Variants in GPT2 observed in about 807,000 individuals in gnomAD.
GPT2 encodes the protein alanine aminotransferase 2.
GPT2 carries 30 observed loss-of-function variants against 56.9 expected under a neutral mutation model. That is an observed-to-expected ratio of 0.53 (90% CI 0.39 to 0.72). The LOEUF is 0.72. Ranked by LOEUF, GPT2 falls within the 30% of genes least tolerant of loss-of-function variation. GPT2 has a pLI of 0.00. For missense variants in GPT2, 542 were observed against 703.4 expected (o/e 0.77, Z 2.60); for synonymous variants, 271 against 283.1 (o/e 0.96, Z 0.43).
chr16:46,925,610 C>T (rs1159631461), intron 10 of GPT2, among the ~76,000 whole-genome samples: 1 of 152,062 alleles, frequency 6.6e-6, no homozygotes, highest in African/African-American at 2.4e-5. Context: ...GTGGGAGGAT[C>T]ATTTGAGCCC....
At chr16:46,917,378 G>A (rs967931541) in intron 7 of GPT2, among the ~76,000 whole-genome samples, 12 of 152,056 alleles carry the variant, frequency 7.9e-5, no homozygotes, top group African/African-American at 1.9e-4. Context: ...AATGACTGAC[G>A]CCCACTCCTC....
chr16:46,922,414 C>CGAGT lies in GPT2; in HGVS notation c.1212+3_1212+6dup. On this transcript the variant is annotated frameshift_variant and splice_region_variant, in exon 9 of 12. Transcript: ENST00000340124. LOFTEE classifies it high-confidence loss of function. The stretch of plus-strand genomic sequence containing the variant: ...AGAGGAGTCCTTTGAGCAATTCAGC[C>CGAGT]GAGTGAGTCCACTGTGATGCGTCTG... The CGAGT allele has an allele frequency of 6.2e-7, 1 of 1,607,772 alleles. No individual in the cohort carries two copies. The highest frequency in any genetic ancestry group is 1.1e-5 in the South Asian group (1 of 90,690).
At chr16:46,906,393 A>T (rs1175719041) in intron 4 of GPT2, among the ~76,000 whole-genome samples, 1 of 151,920 alleles carries the variant, frequency 6.6e-6, no homozygotes, top group East Asian at 1.9e-4. Context: ...GTGTTGGCCC[A>T]CTCTCTCAAG....
intron 4 of GPT2, among the ~76,000 whole-genome samples, chr16:46,901,934 C>T (rs1229750414): frequency 1.3e-5 from 2 of 152,230 alleles, no homozygotes; most frequent in Admixed American, 6.5e-5. Flanking sequence ...CCCAGAGGCC[C>T]GGCTTCCGGG....
intron 6 of GPT2, among the ~76,000 whole-genome samples, chr16:46,910,832 T>C (rs1317444645): frequency 6.6e-6 from 1 of 152,136 alleles, no homozygotes; most frequent in Non-Finnish European, 1.5e-5. Context: ...ACTCCTGGCC[T>C]CAAGTGATCC....
chr16:46,899,536 C>T (rs1486321921), intron 3 of GPT2, among the ~76,000 whole-genome samples: 1 of 152,188 alleles, frequency 6.6e-6, no homozygotes, highest in Non-Finnish European at 1.5e-5. Context: ...CTGAGGGGCG[C>T]TCACTGGGCC....
At chr16:46,891,465 G>A (rs924811616) in intron 2 of GPT2, among the ~76,000 whole-genome samples, 2 of 151,810 alleles carry the variant, frequency 1.3e-5, no homozygotes, top group African/African-American at 4.8e-5. Context: ...GTGTAGTGGC[G>A]CAATCTCAGC....
intron 3 of GPT2, among the ~76,000 whole-genome samples, chr16:46,898,975 CATATATATAT>C (rs60743914): frequency 7.6e-6 from 1 of 132,142 alleles, no homozygotes; most frequent in African/African-American, 3.1e-5. Flanking sequence ...TACACACACA[CATATATATAT>C]ATATATAACA....
Position 46,918,763 on chromosome 16 carries a change from TG to T in GPT2, c.1037+9del. 1.2e-6 allele frequency: 2 copies of T among 1,613,540 alleles called. No homozygotes were observed. The highest frequency in any genetic ancestry group is 3.3e-4 in the Middle Eastern group (2 of 6,060). On this transcript the variant is annotated splice_region_variant and intron_variant, in intron 8 of 11. Coordinates refer to ENST00000340124, the MANE Select transcript of GPT2 (RefSeq NM_133443.4). ...TCCAAGGGCTACATGGGCGAGTACG[TG>T]GGCCTCCCTTCCCTCTGCCACTGCT...
intron 2 of GPT2, among the ~76,000 whole-genome samples, chr16:46,895,649 C>T (rs374253495): frequency 6.6e-6 from 1 of 152,164 alleles, no homozygotes; most frequent in East Asian, 1.9e-4. Context: ...TTCAGCCTCC[C>T]CAGTAGCTGG....
chr16:46,912,717 G>A (rs1567339914), intron 6 of GPT2, among the ~76,000 whole-genome samples: 1 of 152,152 alleles, frequency 6.6e-6, no homozygotes, highest in Non-Finnish European at 1.5e-5. Flanking sequence ...CACGCACATC[G>A]CATGGCAAGA....
At chr16:46,902,401 T>C (rs978242545) in intron 4 of GPT2, among the ~76,000 whole-genome samples, 1 of 152,168 alleles carries the variant, frequency 6.6e-6, no homozygotes, top group Non-Finnish European at 1.5e-5. Flanking sequence ...AGCCCCTTGT[T>C]AGCTGTAGAC....
At chr16:46,900,400 G>T (rs543731683) in intron 3 of GPT2, among the ~76,000 whole-genome samples, 207 of 152,302 alleles carry the variant, frequency 1.4e-3, no homozygotes, top group East Asian at 2.7e-3. Context: ...CCTAGCGGAA[G>T]AGCTTGGGCC....
At chr16:46,894,821 A>G (rs981853861) in intron 2 of GPT2, among the ~76,000 whole-genome samples, 3 of 151,882 alleles carry the variant, frequency 2.0e-5, no homozygotes, top group African/African-American at 7.3e-5. Context: ...GCCCGCCCCC[A>G]CGCCTGGCTA....
chr16:46,927,077 T>C (rs1290966796), intron 11 of GPT2, 40 bp downstream of exon 11: 1 of 1,306,808 alleles, frequency 7.7e-7, no homozygotes, highest in Non-Finnish European at 1.1e-6. Flanking sequence ...GTCCGGGTCT[T>C]GTCCAGGGAA....
rs1412000004 is a variant in GPT2 at position 46,918,726 on chromosome 16, T to A, written c.1006T>A (p.Phe336Ile). The change falls in exon 8 of 12, where the codon TTC (phenylalanine) becomes ATC (isoleucine). Residue 336 changes from phenylalanine (F) to isoleucine (I), a missense_variant. Physicochemically the swap from Phe to Ile is conservative, Grantham distance 21. Coordinates refer to ENST00000340124, the MANE Select transcript of GPT2 (RefSeq NM_133443.4). ...CTCCAGCAACGTGGAGCTCGCCTCC[T>A]TCCACTCCACCTCCAAGGGCTACAT... ...EYSSNVELAS[F>I]HSTSKGYMGE... 1 of 1,614,190 alleles carries A rather than the reference T, an allele frequency of 6.2e-7. No individual in the cohort carries two copies.
rs745401198 is a variant in GPT2 at position 46,885,003 on chromosome 16, G to A, written c.243+45G>A. 7 of 1,418,294 alleles carry A rather than the reference G, an allele frequency of 4.9e-6. No individual in the cohort carries two copies. In the South Asian group the frequency reaches 7.3e-5, roughly 15 times the overall value. The allele number at this position is 1,418,294 out of a possible 1,614,324, so 87.9% of individuals were successfully genotyped here. ...CGGGGAGGCTGGGGCCGCTGAGCAAGGGAAAAACCGCAGCAGCCCCAGCTG... is the reference window on the plus strand; with the variant it reads ...CGGGGAGGCTGGGGCCGCTGAGCAAAGGAAAAACCGCAGCAGCCCCAGCTG... On this transcript the variant is annotated intron_variant, in intron 2 of 11. Transcript: ENST00000340124.
chr16:46,892,452 A>AGT (rs1310884535), intron 2 of GPT2, among the ~76,000 whole-genome samples: 1 of 152,218 alleles, frequency 6.6e-6, no homozygotes, highest in African/African-American at 2.4e-5. Context: ...TCTACCCAGC[A>AGT]GTGGGACTGC....
rs1264944279 is a variant in GPT2, at chr16:46,884,884, G to A, written c.169G>A (p.Val57Met). 6.5e-7 allele frequency: 1 copy of A among 1,544,848 alleles called. No individual in the cohort carries two copies. Among genetic ancestry groups the A allele is most frequent in the Non-Finnish European group, 8.7e-7 (1 of 1,145,272 alleles). ...ILTLESMNPQ[V>M]KAVEYAVRGP... The stretch of plus-strand genomic sequence containing the variant: ...CACGCTGGAGTCCATGAACCCGCAG[G>A]TGAAGGCGGTGGAGTACGCCGTGCG... Residue 57 changes from valine to methionine, a missense_variant, in exon 2 of 12, where the codon GTG (valine) becomes ATG (methionine). Physicochemically the swap from Val to Met is conservative, Grantham distance 21. Transcript: ENST00000340124.
Sources: allele counts gnomAD v4.1 joint callset (sites outside exome capture counted in the v4.1 genomes callset), GRCh38; gene constraint gnomAD v4.1.1; transcripts MANE v1.5; gene names NCBI Gene and HGNC (gene_info 2026-07-23, HGNC 2026-07-21).